Variants in NEGR1 observed in about 807,000 individuals in gnomAD.
NEGR1 encodes IgLON family member 4.
In NEGR1, 10 loss-of-function variants were observed where a neutral mutation model predicts 40.9. The observed-to-expected ratio is 0.24, with a 90% confidence interval of 0.15 to 0.42. NEGR1 has a LOEUF of 0.42. NEGR1 is among the 10% of genes least tolerant of loss of function. The pLI, the probability that NEGR1 is intolerant of heterozygous loss-of-function variation, is 1.00. For missense variants in NEGR1, 352 were observed against 438.9 expected (o/e 0.80, Z 1.77); for synonymous variants, 185 against 166.8 (o/e 1.11, Z -0.84).
At chr1:72,082,893 T>A (rs1029692724) in intron 1 of NEGR1, among the ~76,000 whole-genome samples, 5 of 152,172 alleles carry the variant, frequency 3.3e-5, no homozygotes, top group African/African-American at 1.2e-4. Context: ...AAAATCAAGC[T>A]GCAATCTAAA....
chr1:72,033,274 T>C lies in NEGR1; in HGVS notation c.177-97963A>G, dbSNP rs1646875067. On this transcript the variant is annotated intron_variant, in intron 1 of 6. Transcript: ENST00000357731. ...AGTATTTTGGTAATCATATGTTTTA[T>C]TGAAGAACCTTTGGGCTATTTTAAT... Among the ~76,000 whole-genome samples, 3 of 152,178 alleles carry C rather than the reference T, an allele frequency of 2.0e-5. No homozygotes were observed. The South Asian group carries it at 6.2e-4, about 31-fold the overall frequency.
chr1:72,084,696 C>T (rs556392326), intron 1 of NEGR1, among the ~76,000 whole-genome samples: 55 of 152,062 alleles, frequency 3.6e-4, no homozygotes, highest in African/African-American at 1.3e-3. Flanking sequence ...TACTGTGGTT[C>T]TAATAGTATT....
In NEGR1 at chr1:71,928,063, C is replaced by CACACATATGTACATATATGTATATAT. The variant is rs1557438142; in HGVS notation, c.409+7015_409+7016insATATATACATATATGTACATATGTGT. On this transcript the variant is annotated intron_variant, in intron 2 of 6. Transcript: ENST00000357731. ...ACACACACACACGTATATATATACA[C>CACACATATGTACATATATGTATATAT]ACACACATATGTACATATATGTATA... 1.6e-4 allele frequency among the ~76,000 whole-genome samples: 8 copies of CACACATATGTACATATATGTATATAT among 48,532 alleles called. 1 individual carries two copies. The highest frequency in any genetic ancestry group is 5.9e-4 in the African/African-American group (7 of 11,828). 31.8% of individuals were successfully genotyped at this position (48,532 alleles called of 152,430 possible).
chr1:71,583,290 T>G (rs1233162659), intron 6 of NEGR1, among the ~76,000 whole-genome samples: 4 of 152,202 alleles, frequency 2.6e-5, no homozygotes, highest in Non-Finnish European at 4.4e-5. Context: ...ATGGAAGATT[T>G]ATCATGATGG....
intron 5 of NEGR1, among the ~76,000 whole-genome samples, chr1:71,595,846 T>C (rs1649691113): frequency 6.6e-6 from 1 of 152,182 alleles, no homozygotes; most frequent in Admixed American, 6.5e-5. Flanking sequence ...CCTAATGTGA[T>C]TCACTCCTTG....
intron 1 of NEGR1, among the ~76,000 whole-genome samples, chr1:72,147,489 AC>A (rs1650953294): frequency 1.3e-5 from 2 of 152,136 alleles, no homozygotes; most frequent in African/African-American, 4.8e-5. Flanking sequence ...TCTGGGACAT[AC>A]CATGCAAGTT....
In NEGR1 at chr1:71,615,544, T is replaced by C. The variant is rs569753061; in HGVS notation, c.668-4398A>G. The stretch of plus-strand genomic sequence containing the variant: ...TCCTGAGTGGAGAGCATACTTGAGG[T>C]GGAAACATGTTTAACAGGATTAGGT... On this transcript the variant is annotated intron_variant, in intron 4 of 6. Coordinates refer to ENST00000357731, the MANE Select transcript of NEGR1 (RefSeq NM_173808.3). 1.7e-4 allele frequency among the ~76,000 whole-genome samples: 26 copies of C among 152,274 alleles called. No homozygotes were observed. The South Asian group carries it at 5.0e-3, about 29-fold the overall frequency.
At chr1:71,500,685 A>G (rs1260567691) in intron 6 of NEGR1, among the ~76,000 whole-genome samples, 1 of 152,046 alleles carries the variant, frequency 6.6e-6, no homozygotes, top group Non-Finnish European at 1.5e-5. Flanking sequence ...CTTGGCATCC[A>G]TGGAGGATTG....
intron 3 of NEGR1, among the ~76,000 whole-genome samples, chr1:71,739,214 A>AAAAAG (rs1557634065): frequency 2.7e-5 from 4 of 148,942 alleles, no homozygotes; most frequent in African/African-American, 1.0e-4. Flanking sequence ...AAAAAAAAAA[A>AAAAAG]AAACAAAAAA....
chr1:71,941,687 T>A (rs189762862), intron 1 of NEGR1, among the ~76,000 whole-genome samples: 1 of 152,256 alleles, frequency 6.6e-6, no homozygotes, highest in East Asian at 1.9e-4. Flanking sequence ...TGGTGATATC[T>A]AAGTGAGAAC....
chr1:72,230,926 A>G (rs1269705419), intron 1 of NEGR1, among the ~76,000 whole-genome samples: 12 of 152,160 alleles, frequency 7.9e-5, no homozygotes, highest in Non-Finnish European at 1.6e-4. Flanking sequence ...GCTCTTCAAA[A>G]AAGATGTGCA....
chr1:72,218,105 T>G (rs1653884641), intron 1 of NEGR1, among the ~76,000 whole-genome samples: 1 of 151,620 alleles, frequency 6.6e-6, no homozygotes, highest in Admixed American at 6.6e-5. Flanking sequence ...TTTAAAATTT[T>G]TCTTTACCTT....
At chr1:72,013,972 A>AT (rs1239542879) in intron 1 of NEGR1, among the ~76,000 whole-genome samples, 6 of 137,604 alleles carry the variant, frequency 4.4e-5, no homozygotes, top group African/African-American at 1.5e-4. Context: ...ATAAAAAAAA[A>AT]AAAAAAAAAA....
intron 1 of NEGR1, among the ~76,000 whole-genome samples, chr1:72,065,130 C>A (rs1647242331): frequency 6.6e-6 from 1 of 151,872 alleles, no homozygotes; most frequent in South Asian, 2.1e-4. Flanking sequence ...AGTAAAAATA[C>A]AAATAAGTGT....
intron 1 of NEGR1, among the ~76,000 whole-genome samples, chr1:72,166,866 A>G (rs1457249895): frequency 6.6e-6 from 1 of 151,960 alleles, no homozygotes; most frequent in Non-Finnish European, 1.5e-5. Flanking sequence ...GTATTTGTGT[A>G]TATATATATA....
chr1:71,541,936 C>A (rs368515837), intron 6 of NEGR1, among the ~76,000 whole-genome samples: 2 of 151,682 alleles, frequency 1.3e-5, no homozygotes, highest in Non-Finnish European at 1.5e-5. Flanking sequence ...TTTCAATGCA[C>A]CTTTGAGTGT....
At position 71,399,174 on chromosome 1, in the gene NEGR1, G is replaced by A. The variant is rs1569825557; in HGVS notation, c.*8272C>T. 2.0e-5 allele frequency: 3 copies of A among 151,856 alleles called. No individual in the cohort carries two copies. The East Asian group carries it at 5.8e-4, about 29-fold the overall frequency. The allele number at this position is 151,856 out of a possible 1,614,324, so 9.4% of individuals were successfully genotyped here. A position where few individuals can be genotyped will look rare whatever the true frequency, so the allele number is the denominator to read the frequency against. ...CATAAAAGCTTTGTTAATACATTTT[G>A]AAACCTGAATAATGAGAGAGCAGGA... On this transcript the variant is annotated 3_prime_UTR_variant, in exon 7 of 7. Transcript: ENST00000357731.
intron 6 of NEGR1, among the ~76,000 whole-genome samples, chr1:71,511,701 A>G (rs1647074168): frequency 6.6e-6 from 1 of 152,236 alleles, no homozygotes; most frequent in African/African-American, 2.4e-5. Flanking sequence ...GCTGAATCAA[A>G]GAGCAATATG....
chr1:71,479,610 A>G (rs933847894), intron 6 of NEGR1, among the ~76,000 whole-genome samples: 88 of 152,128 alleles, frequency 5.8e-4, no homozygotes, highest in African/African-American at 2.1e-3. Context: ...AGGTAAATAT[A>G]CGCTTAAGGG....
Sources: gnomAD v4.1 joint callset for allele counts (sites outside exome capture counted in the v4.1 genomes callset) on GRCh38, gnomAD v4.1.1 for gene constraint, MANE v1.5 for transcripts, NCBI Gene and HGNC (gene_info 2026-07-23, HGNC 2026-07-21) for gene names.